ZNF273: variants seen among roughly 807,000 people sequenced by gnomAD.
ZNF273 encodes zinc finger protein 9.
In ZNF273, 11 loss-of-function variants were observed where a neutral mutation model predicts 14.9. The observed-to-expected ratio is 0.74, with a 90% CI of 0.46 to 1.22. The LOEUF (loss-of-function observed/expected upper bound fraction) is 1.22, where lower values mean the gene tolerates loss of function less well. ZNF273 is among the 50% of genes most tolerant of loss of function. The pLI, the probability that ZNF273 is intolerant of heterozygous loss-of-function variation, is 0.00. For missense variants in ZNF273, 577 were observed against 660.6 expected, an observed-to-expected ratio of 0.87 and a Z score of 1.39; for synonymous variants, 199 against 223.9, an observed-to-expected ratio of 0.89 and a Z score of 0.99.
downstream of ZNF273, chr7:64,889,256 CA>C: frequency 3.0e-6 from 3 of 985,264 alleles, no homozygotes; most frequent in Non-Finnish European, 3.6e-6. The surrounding 1 kb of genome is among the most constrained non-coding windows in gnomAD (Gnocchi z 4.2). Flanking sequence ...TCCCCGCCCG[CA>C]AAGGGCCGGG....
intron 1 of ZNF273, among the ~76,000 whole-genome samples, chr7:64,887,206 C>T (rs1340178065): frequency 6.6e-6 from 1 of 152,206 alleles, no homozygotes; most frequent in Non-Finnish European, 1.5e-5. Context: ...GGAGGCCATG[C>T]TGTGAATGTG....
chr7:64,889,331 C>T, downstream of ZNF273: 1 of 961,344 alleles, frequency 1.0e-6, no homozygotes, highest in Non-Finnish European at 1.2e-6. This position sits in a 1 kb window ranked among gnomAD's most constrained non-coding sequence, Gnocchi z 4.2. Flanking sequence ...CCCACCGCGT[C>T]CCCTCCGCCC....
At chr7:64,913,786 C>A (rs10085423) in intron 1 of ZNF273, among the ~76,000 whole-genome samples, 30 of 152,158 alleles carry the variant, frequency 2.0e-4, no homozygotes, top group African/African-American at 7.0e-4. Flanking sequence ...AATAACATTA[C>A]ATAGAGTTGG....
Position 64,929,118 on chromosome 7 carries a change from C to G in ZNF273, c.*80C>G, listed in dbSNP as rs1794911969. 4 of 142,834 alleles carry G rather than the reference C, an allele frequency of 2.8e-5. No homozygotes were observed. Among genetic ancestry groups the G allele is most frequent in the Non-Finnish European group, 4.2e-5 (4 of 96,156 alleles). The allele number at this position is 142,834 out of a possible 1,614,324, so 8.8% of individuals were successfully genotyped here. The stretch of plus-strand genomic sequence containing the variant: ...AAGATAATTCATACTGGAGAAAACT[C>G]CCAGAAGTGGAGTTTTCCTTATTGC... On this transcript the variant is annotated 3_prime_UTR_variant, in exon 4 of 4. Coordinates refer to ENST00000476120, the MANE Select transcript of ZNF273 (RefSeq NM_021148.3).
intron 3 of ZNF273, among the ~76,000 whole-genome samples, chr7:64,921,075 T>C (rs75766346): frequency 6.6e-6 from 1 of 151,192 alleles, no homozygotes; most frequent in Non-Finnish European, 1.5e-5. Context: ...CTTTTTTTTT[T>C]CTTTGAGATA....
At chr7:64,889,477 G>A, downstream of ZNF273, 1 of 985,922 alleles carries the variant, frequency 1.0e-6, no homozygotes, top group South Asian at 4.7e-5. The surrounding 1 kb of genome is among the most constrained non-coding windows in gnomAD (Gnocchi z 4.2). Context: ...GTCCCCGCGG[G>A]ACGCCAGGTT....
At chr7:64,912,826 G>GTTTTTTATTTTTTT in intron 1 of ZNF273, among the ~76,000 whole-genome samples, 1 of 36,568 alleles carries the variant, frequency 2.7e-5, no homozygotes, top group Non-Finnish European at 5.7e-5. Context: ...ATTCATTTTA[G>GTTTTTTATTTTTTT]TTTTTTTTTT....
At chr7:64,878,821 G>C (rs1434421789) in intron 2 of ZNF273, among the ~76,000 whole-genome samples, 1 of 152,138 alleles carries the variant, frequency 6.6e-6, no homozygotes, top group Non-Finnish European at 1.5e-5. Flanking sequence ...GCTTCTCCTG[G>C]GCCTAGGGTT....
intron 1 of ZNF273, among the ~76,000 whole-genome samples, chr7:64,905,519 C>G (rs1427096944): frequency 4.1e-5 from 6 of 147,116 alleles, no homozygotes; most frequent in African/African-American, 1.5e-4. Context: ...GATTGCTGGT[C>G]AGCCAATCAG....
At chr7:64,891,952 G>A (rs552994933), downstream of ZNF273, among the ~76,000 whole-genome samples, 1 of 152,290 alleles carries the variant, frequency 6.6e-6, no homozygotes, top group Admixed American at 6.5e-5. Flanking sequence ...GCCTTAGGAA[G>A]CTCCATGTTG....
chr7:64,880,487 C>T (rs1011853318), downstream of ZNF273, among the ~76,000 whole-genome samples: 1 of 152,006 alleles, frequency 6.6e-6, no homozygotes, highest in African/African-American at 2.4e-5. Context: ...GTGTTGGCTG[C>T]CCGCGTGTGA....
downstream of ZNF273, among the ~76,000 whole-genome samples, chr7:64,931,778 A>G (rs756913596): frequency 1.6e-4 from 25 of 152,160 alleles, no homozygotes; most frequent in Non-Finnish European, 3.2e-4. Flanking sequence ...TAAGACATAA[A>G]TATTCCTGTT....
the ZNF273 span, among the ~76,000 whole-genome samples, chr7:64,936,401 G>C: frequency 6.6e-6 from 1 of 152,140 alleles, no homozygotes; most frequent in Non-Finnish European, 1.5e-5. Context: ...ACCTTCTTCT[G>C]CCTGCTTACA....
At chr7:64,932,036 A>G (rs1022309132), downstream of ZNF273, among the ~76,000 whole-genome samples, 1 of 152,032 alleles carries the variant, frequency 6.6e-6, no homozygotes, top group Non-Finnish European at 1.5e-5. Flanking sequence ...TGTTGTCTTT[A>G]TGCCATGTCA....
intron 1 of ZNF273, among the ~76,000 whole-genome samples, chr7:64,914,205 T>A (rs1793784648): frequency 6.9e-6 from 1 of 144,320 alleles, no homozygotes; most frequent in African/African-American, 2.5e-5. Context: ...TTTTTTTTTT[T>A]TTTAGTACAG....
downstream of ZNF273, among the ~76,000 whole-genome samples, chr7:64,935,603 A>C (rs776550283): frequency 1.1e-4 from 16 of 152,052 alleles, no homozygotes; most frequent in Admixed American, 8.5e-4. Flanking sequence ...GCTCACTGCA[A>C]CTTCTGCCTC....
At chr7:64,897,838 C>G (rs534032822) in exon 4 of ZNF273, 1 of 151,086 alleles carries the variant, frequency 6.6e-6, no homozygotes, top group Non-Finnish European at 1.5e-5. Context: ...CTCAGTCTCC[C>G]GTCTCAGCCT....
rs181782691 is a variant in ZNF273 at position 64,919,070 on chromosome 7, T to C, written c.325+778T>C. On this transcript the variant is annotated intron_variant, in intron 3 of 3. Coordinates refer to ENST00000476120, the MANE Select transcript of ZNF273 (RefSeq NM_021148.3). ...TAATCCTGTTTTTGTTACTATAGTC[T>C]TGAAATATAGTTTGAAATTTTAAAG... Among the ~76,000 whole-genome samples, 7 of 152,324 alleles carry C rather than the reference T, an allele frequency of 4.6e-5. No homozygotes were observed. In the East Asian group the frequency reaches 1.4e-3, roughly 29 times the overall value.
downstream of ZNF273, chr7:64,893,687 T>TCCCCCTCCCC (rs1792182232): frequency 1.1e-4 from 2 of 17,914 alleles, no homozygotes; most frequent in African/African-American, 3.6e-4. Flanking sequence ...ACCCCTCCCC[T>TCCCCCTCCCC]CCCCCTCCCC....
Sources: gnomAD v4.1 joint callset for allele counts (sites outside exome capture counted in the v4.1 genomes callset) on GRCh38, gnomAD v4.1.1 for gene constraint, Gnocchi (gnomAD v3.1) non-coding constraint, MANE v1.5 for transcripts, NCBI Gene and HGNC (gene_info 2026-07-23, HGNC 2026-07-21) for gene names.